Variants in GCNT2 observed in about 807,000 individuals in gnomAD.
The protein encoded by GCNT2 is glucosaminyl (N-acetyl) transferase 2 (I blood group), also known as N-acetyllactosaminide beta-1,6-N-acetylglucosaminyl-transferase.
GCNT2 carries 34 observed loss-of-function variants against 34.2 expected under a neutral mutation model. That is an observed-to-expected ratio of 1.00 (90% CI 0.76 to 1.32). The LOEUF (loss-of-function observed/expected upper bound fraction) is 1.32. Among genes scored for constraint, GCNT2 ranks in the 40% most tolerant of loss-of-function variants. The pLI is 0.00. For synonymous variants in GCNT2, 212 were observed against 188.0 expected (o/e 1.13, Z -1.04); for missense variants, 584 against 489.4 (o/e 1.19, Z -1.82).
intron 3 of GCNT2, among the ~76,000 whole-genome samples, chr6:10,560,385 C>G (rs983164672): frequency 2.0e-5 from 3 of 152,162 alleles, no homozygotes; most frequent in Non-Finnish European, 2.9e-5. Context: ...GCCACTGCGC[C>G]GGGCTGAGCT....
chr6:10,575,610 T>C (rs562217770), intron 3 of GCNT2, among the ~76,000 whole-genome samples: 1 of 152,286 alleles, frequency 6.6e-6, no homozygotes, highest in African/African-American at 2.4e-5. Context: ...CTTGCACGTA[T>C]ATGCCCAGAT....
At position 10,529,058 on chromosome 6, in the gene GCNT2, T is replaced by A; in HGVS notation, c.147T>A (p.Cys49Ter). 6.2e-7 allele frequency: 1 copy of A among 1,614,144 alleles called. No homozygotes were observed. The highest frequency in any genetic ancestry group is 8.5e-7 in the Non-Finnish European group (1 of 1,180,008). The change falls in exon 3 of 5, where the codon TGT becomes TGA. Residue 49 changes from cysteine to a stop codon, truncating the protein, a stop_gained. Transcript: ENST00000495262. LOFTEE classifies it high-confidence loss of function. ...LSNASLLAEA[C>*]HQIFEGKVFY... ...ATGCTTCACTGTTAGCAGAAGCCTG[T>A]CATCAGATTTTTGAGGGGAAAGTTT...
rs983782728 is a variant in GCNT2 at position 10,547,312 on chromosome 6, C to G, written c.925+17476C>G. ...AGCATTACTATTTAATCCACAGACC[C>G]TATTCCAGTGTGCATGGTTATACTC... On this transcript the variant is annotated intron_variant, in intron 3 of 4. Coordinates refer to ENST00000495262, the MANE Select transcript of GCNT2 (RefSeq NM_145649.5). 3.9e-5 allele frequency among the ~76,000 whole-genome samples: 6 copies of G among 152,332 alleles called. No homozygotes were observed. The East Asian group carries it at 5.8e-4, about 15-fold the overall frequency.
At chr6:10,589,193 GTGTA>G in intron 3 of GCNT2, among the ~76,000 whole-genome samples, 1 of 142,124 alleles carries the variant, frequency 7.0e-6, no homozygotes, top group South Asian at 2.3e-4. Flanking sequence ...TGCGTCATGT[GTGTA>G]TGGTGTGTGT....
chr6:10,532,133 C>G (rs1313772860), intron 3 of GCNT2, among the ~76,000 whole-genome samples: 1 of 152,088 alleles, frequency 6.6e-6, no homozygotes, highest in Non-Finnish European at 1.5e-5. Flanking sequence ...GGAAGTGCTG[C>G]TGAGGAAACC....
At chr6:10,556,619 A>G (rs1561796587) in intron 3 of GCNT2, 2 of 1,614,100 alleles carry the variant, frequency 1.2e-6, no homozygotes, top group Non-Finnish European at 1.7e-6. Flanking sequence ...CAAACTAATG[A>G]TCCATGAGAA....
intron 3 of GCNT2, among the ~76,000 whole-genome samples, chr6:10,546,249 G>A (rs1285627715): frequency 6.6e-6 from 1 of 152,154 alleles, no homozygotes; most frequent in Non-Finnish European, 1.5e-5. Context: ...TTTATCTACA[G>A]GTTTCAGACA....
In GCNT2 at chr6:10,529,789, C is replaced by G; in HGVS notation, c.878C>G (p.Thr293Ser). Reference sequence around the variant, plus strand: ...GACTTACTCTCCTGGTCCAAGGACACCTACAGCCCCGACGAACATTTCTGG... The same window carrying G: ...GACTTACTCTCCTGGTCCAAGGACAGCTACAGCCCCGACGAACATTTCTGG... The part of the protein sequence containing the change: ...ALDLLSWSKD[T>S]YSPDEHFWVT... Residue 293 changes from threonine to serine, a missense_variant, in exon 3 of 5, where the codon ACC (threonine) becomes AGC (serine). Physicochemically the swap from Thr to Ser is moderately conservative, Grantham distance 58. Transcript: ENST00000495262. 3 of 1,614,132 alleles carry G rather than the reference C, an allele frequency of 1.9e-6. No individual in the cohort carries two copies. Among genetic ancestry groups the G allele is most frequent in the Non-Finnish European group, 2.5e-6 (3 of 1,179,988 alleles).
At chr6:10,523,804 CTA>C (rs1490863571) in intron 1 of GCNT2, among the ~76,000 whole-genome samples, 1 of 151,854 alleles carries the variant, frequency 6.6e-6, no homozygotes, top group Non-Finnish European at 1.5e-5. Flanking sequence ...AACCCCGTCT[CTA>C]TTAAAAATAC....
intron 3 of GCNT2, among the ~76,000 whole-genome samples, chr6:10,533,109 C>A (rs1761577726): frequency 6.6e-6 from 1 of 151,344 alleles, no homozygotes; most frequent in Admixed American, 6.6e-5. Context: ...GAGTTCAAGA[C>A]CAGCCTGGCC....
intron 3 of GCNT2, 36 bp from the exon 4 acceptor site, chr6:10,621,313 ACT>A (rs781549838): frequency 5.4e-6 from 7 of 1,294,714 alleles, no homozygotes; most frequent in African/African-American, 4.4e-5. Flanking sequence ...TTCTCTCATG[ACT>A]CTCATCTCTA....
chr6:10,557,196 T>A (rs757745432), intron 3 of GCNT2: 2 of 1,560,774 alleles, frequency 1.3e-6, no homozygotes, highest in Non-Finnish European at 1.7e-6. Context: ...AATCTCACAA[T>A]TTACTTTGGC....
In GCNT2 at chr6:10,629,205, C is replaced by T. The variant is rs1766387354; in HGVS notation, c.*2598C>T. 6.6e-6 allele frequency: 1 copy of T among 152,632 alleles called. No individual in the cohort carries two copies. The highest frequency in any genetic ancestry group is 2.4e-5 in the African/African-American group (1 of 41,442). 9.5% of individuals were successfully genotyped at this position (152,632 alleles called of 1,614,324 possible). A position where few individuals can be genotyped will look rare whatever the true frequency, so the allele number is the denominator to read the frequency against. On this transcript the variant is annotated 3_prime_UTR_variant, in exon 5 of 5. Coordinates refer to ENST00000495262, the MANE Select transcript of GCNT2 (RefSeq NM_145649.5). ...TGTTTACATGTCTGTTGTTGGTCAT[C>T]TCTCCTGTGTCTTAAATACTTTAAT...
chr6:10,617,741 G>T (rs1251160422), intron 3 of GCNT2, among the ~76,000 whole-genome samples: 1 of 123,920 alleles, frequency 8.1e-6, no homozygotes, highest in Non-Finnish European at 1.5e-5. Flanking sequence ...GCCAGAGTCT[G>T]CATTTCTTCT....
intron 3 of GCNT2, among the ~76,000 whole-genome samples, chr6:10,617,747 C>CTTTTTTTTTTTTTT (rs1407402607): frequency 1.0e-4 from 12 of 114,294 alleles, no homozygotes; most frequent in African/African-American, 3.0e-4. Context: ...GTCTGCATTT[C>CTTTTTTTTTTTTTT]TTCTTTTTTT....
At chr6:10,532,438 T>C (rs1434753032) in intron 3 of GCNT2, among the ~76,000 whole-genome samples, 2 of 151,364 alleles carry the variant, frequency 1.3e-5, no homozygotes, top group African/African-American at 2.5e-5. Flanking sequence ...CTGCCAACTC[T>C]TTTTTTTCTT....
chr6:10,562,668 A>AC (rs1413437566), intron 3 of GCNT2, among the ~76,000 whole-genome samples: 10 of 150,908 alleles, frequency 6.6e-5, no homozygotes, highest in South Asian at 4.2e-4. Flanking sequence ...AAAAAAAAAA[A>AC]AAAAAAAAAC....
At chr6:10,624,838 C>A (rs1427511576) in intron 4 of GCNT2, among the ~76,000 whole-genome samples, 1 of 151,828 alleles carries the variant, frequency 6.6e-6, no homozygotes, top group Non-Finnish European at 1.5e-5. Flanking sequence ...CAGACCCTTG[C>A]TCTTTTGCAT....
chr6:10,626,313 GCA>G (rs1766251513), intron 4 of GCNT2, 102 bp from the exon 5 acceptor site: 4 of 829,192 alleles, frequency 4.8e-6, no homozygotes, highest in Non-Finnish European at 8.4e-6. Context: ...TGTACCATTG[GCA>G]CAGTTGTAGT....
Sources: allele counts gnomAD v4.1 joint callset (sites outside exome capture counted in the v4.1 genomes callset), GRCh38; gene constraint gnomAD v4.1.1; transcripts MANE v1.5; gene names NCBI Gene and HGNC (gene_info 2026-07-23, HGNC 2026-07-21).